VPS53: variants seen among roughly 807,000 people sequenced by gnomAD.
The protein encoded by VPS53 is VPS53 subunit of GARP complex, also known as vacuolar protein sorting-associated protein 53 homolog.
A neutral mutation model predicts 107.0 loss-of-function variants in VPS53; 70 were observed. The observed-to-expected ratio is 0.65, with a 90% CI of 0.54 to 0.80. VPS53 has a LOEUF of 0.80. Ranked by LOEUF, VPS53 falls within the 30% of genes least tolerant of loss-of-function variation. VPS53 has a pLI of 0.00. For missense variants in VPS53, 917 were observed against 1,049.4 expected (o/e 0.87, Z 1.74); for synonymous variants, 409 against 393.3 (o/e 1.04, Z -0.47).
intron 11 of VPS53, among the ~76,000 whole-genome samples, chr17:615,671 C>T (rs1969104168): frequency 6.6e-6 from 1 of 152,172 alleles, no homozygotes; most frequent in South Asian, 2.1e-4. Flanking sequence ...CAAGATATAC[C>T]TTGGTTCGTT....
At chr17:699,463 G>T in intron 2 of VPS53, 83 bp from the exon 3 acceptor site, 1 of 1,123,412 alleles carries the variant, frequency 8.9e-7, no homozygotes, top group Non-Finnish European at 1.2e-6. Context: ...TGCTATAATA[G>T]CTACTTATGA....
chr17:609,731 A>G (rs938027648), intron 11 of VPS53, among the ~76,000 whole-genome samples: 3 of 152,226 alleles, frequency 2.0e-5, no homozygotes, highest in Non-Finnish European at 4.4e-5. Context: ...CGATAATTCC[A>G]CTAGTGTCGT....
chr17:540,066 G>A (rs928456586), intron 17 of VPS53, among the ~76,000 whole-genome samples: 1 of 21,740 alleles, frequency 4.6e-5, no homozygotes, highest in Non-Finnish European at 1.1e-4. Context: ...CTTCCCCCCC[G>A]ACCCGCCCCC....
chr17:687,806 AG>A (rs1185456361), intron 4 of VPS53, among the ~76,000 whole-genome samples: 1 of 152,186 alleles, frequency 6.6e-6, no homozygotes, highest in African/African-American at 2.4e-5. Flanking sequence ...CCTAACCCTG[AG>A]GTACGTATTA....
chr17:593,415 A>G (rs1597354609), intron 12 of VPS53, among the ~76,000 whole-genome samples: 1 of 152,338 alleles, frequency 6.6e-6, no homozygotes, highest in South Asian at 2.1e-4. Flanking sequence ...CTCATCTGAC[A>G]AAGGGCTAAT....
At chr17:686,149 T>C (rs747032589) in intron 4 of VPS53, among the ~76,000 whole-genome samples, 2 of 151,900 alleles carry the variant, frequency 1.3e-5, no homozygotes, top group African/African-American at 2.4e-5. Context: ...TGAGATTCCA[T>C]CTCTACAAAA....
intron 2 of VPS53, among the ~76,000 whole-genome samples, chr17:708,062 G>A (rs1009116507): frequency 6.6e-6 from 1 of 152,136 alleles, no homozygotes; most frequent in African/African-American, 2.4e-5. Flanking sequence ...CTTCTGTAGG[G>A]TCCAGCCCTA....
intron 13 of VPS53, among the ~76,000 whole-genome samples, chr17:567,888 A>AAGGGG (rs551117016): frequency 2.1e-5 from 3 of 144,340 alleles, no homozygotes; most frequent in African/African-American, 5.0e-5. Context: ...GACATTGTCG[A>AAGGGG]AGGGGAGGGG....
intron 11 of VPS53, among the ~76,000 whole-genome samples, chr17:610,018 G>C (rs893485413): frequency 2.0e-5 from 3 of 151,932 alleles, no homozygotes; most frequent in Non-Finnish European, 4.4e-5. Context: ...TGTAGTCCCA[G>C]CTACGCGGAG....
At chr17:675,867 C>T (rs1489903137) in intron 4 of VPS53, among the ~76,000 whole-genome samples, 1 of 150,914 alleles carries the variant, frequency 6.6e-6, no homozygotes, top group African/African-American at 2.4e-5. Flanking sequence ...GGCACTAATA[C>T]ATTTTTGCCT....
At chr17:597,053 G>A (rs183291446) in intron 12 of VPS53, among the ~76,000 whole-genome samples, 2 of 152,286 alleles carry the variant, frequency 1.3e-5, no homozygotes, top group Admixed American at 1.3e-4. Context: ...GTGTCCCTCA[G>A]GCTCCTTTCA....
chr17:542,909 C>T (rs1910812201), intron 17 of VPS53, among the ~76,000 whole-genome samples: 1 of 148,620 alleles, frequency 6.7e-6, no homozygotes, highest in Non-Finnish European at 1.5e-5. Flanking sequence ...ACCTGGGAGG[C>T]GGAGGTTGCC....
Position 520,786 on chromosome 17 carries a change from T to TCTTCCCCCTCACCTACATGAGCTG in VPS53, c.2223+814_2223+815insCAGCTCATGTAGGTGAGGGGGAAG, listed in dbSNP as rs1908682158. Among the ~76,000 whole-genome samples, 1 of 116,050 alleles carries TCTTCCCCCTCACCTACATGAGCTG rather than the reference T, an allele frequency of 8.6e-6. No homozygotes were observed. The highest frequency in any genetic ancestry group is 3.1e-5 in the African/African-American group (1 of 32,190). 76.1% of individuals were successfully genotyped at this position (116,050 alleles called of 152,430 possible). ...CAGCTTCACCCTCACCTACATGAGC[T>TCTTCCCCCTCACCTACATGAGCTG]CTTCACCCTCACCTACATGAGCTGC... On this transcript the variant is annotated intron_variant, in intron 20 of 21. Coordinates refer to ENST00000437048, the MANE Select transcript of VPS53 (RefSeq NM_001128159.3). The surrounding 1 kb of genome is among the most constrained non-coding windows in gnomAD (Gnocchi z 4.4).
chr17:553,546 T>C lies in VPS53; in HGVS notation c.1705-84A>G, dbSNP rs1433007123. ...ACAATAATAGTTAACATTTACTGCG[T>C]TTGATGATTCAGGCATAATTCCATA... On this transcript the variant is annotated intron_variant, in intron 15 of 21. Coordinates refer to ENST00000437048, the MANE Select transcript of VPS53 (RefSeq NM_001128159.3). 2.1e-5 allele frequency: 22 copies of C among 1,063,312 alleles called. 1 individual carries two copies. The Admixed American group carries it at 3.9e-4, about 19-fold the overall frequency. 65.9% of individuals were successfully genotyped at this position (1,063,312 alleles called of 1,614,324 possible).
chr17:658,536 T>A (rs1025887133), intron 5 of VPS53, among the ~76,000 whole-genome samples: 14 of 150,558 alleles, frequency 9.3e-5, no homozygotes, highest in African/African-American at 3.4e-4. Flanking sequence ...GATAGATACA[T>A]CCCACCAAAG....
chr17:674,055 A>G (rs750228741), intron 4 of VPS53: 13 of 152,236 alleles, frequency 8.5e-5, no homozygotes, highest in Non-Finnish European at 1.3e-4. Context: ...CGAGTGACGG[A>G]TGCGTTCATG....
chr17:531,502 ACT>A (rs1909535048), intron 19 of VPS53, among the ~76,000 whole-genome samples: 2 of 148,978 alleles, frequency 1.3e-5, no homozygotes, highest in Admixed American at 6.7e-5. Context: ...TCATTAAAAG[ACT>A]CTTTTTTTTT....
At chr17:624,347 C>T (rs537921257) in intron 10 of VPS53, among the ~76,000 whole-genome samples, 4 of 152,202 alleles carry the variant, frequency 2.6e-5, no homozygotes, top group Admixed American at 6.5e-5. Flanking sequence ...AGCAGGAGTC[C>T]TGGAAACACA....
In VPS53 at chr17:712,214, T is replaced by A. The variant is rs542031633; in HGVS notation, c.88-1601A>T. On this transcript the variant is annotated intron_variant, in intron 1 of 21. Coordinates refer to ENST00000437048, the MANE Select transcript of VPS53 (RefSeq NM_001128159.3). ...TTTTTTTTTCGAGATGGAGTCTCAC[T>A]CTGTCGCTCAGGCTGGAAGGCAGTG... Among the ~76,000 whole-genome samples the A allele has an allele frequency of 2.2e-3, 301 of 136,578 alleles. 1 individual carries two copies. Among genetic ancestry groups the A allele is most frequent in the Non-Finnish European group, 3.4e-3 (227 of 65,808 alleles). The allele number at this position is 136,578 out of a possible 152,430, so 89.6% of individuals were successfully genotyped here.
Sources: allele counts gnomAD v4.1 joint callset (sites outside exome capture counted in the v4.1 genomes callset), GRCh38; gene constraint gnomAD v4.1.1; non-coding constraint Gnocchi (gnomAD v3.1); transcripts MANE v1.5; gene names NCBI Gene and HGNC (gene_info 2026-07-23, HGNC 2026-07-21).